The following PDSS2 variants were observed in gnomAD, a reference collection of about 807,000 sequenced individuals.
The protein encoded by PDSS2 is decaprenyl diphosphate synthase subunit 2, also known as all trans-polyprenyl-diphosphate synthase PDSS2.
PDSS2 carries 31 observed loss-of-function variants against 44.5 expected under a neutral mutation model. The observed-to-expected ratio is 0.70, with a 90% CI of 0.52 to 0.94. The LOEUF (loss-of-function observed/expected upper bound fraction) is 0.94. PDSS2 is among the 40% of genes least tolerant of loss of function. The pLI, the probability that PDSS2 is intolerant of heterozygous loss-of-function variation, is 0.00. For missense variants in PDSS2, 452 were observed against 482.2 expected, an observed-to-expected ratio of 0.94 and a Z score of 0.59; for synonymous variants, 157 against 180.3, an observed-to-expected ratio of 0.87 and a Z score of 1.03.
intron 2 of PDSS2, among the ~76,000 whole-genome samples, chr6:107,294,186 T>C (rs552306264): frequency 7.9e-5 from 12 of 152,138 alleles, no homozygotes; most frequent in Non-Finnish European, 1.3e-4. Flanking sequence ...GGCTGGGAAA[T>C]GTGAAGGTAA....
intron 2 of PDSS2, among the ~76,000 whole-genome samples, chr6:107,310,471 G>T (rs1477260589): frequency 6.6e-6 from 1 of 152,016 alleles, no homozygotes; most frequent in Non-Finnish European, 1.5e-5. Flanking sequence ...TACCTAGGAC[G>T]CTTTATCTGC....
At chr6:107,406,559 T>G (rs1225042813) in intron 1 of PDSS2, among the ~76,000 whole-genome samples, 1 of 152,366 alleles carries the variant, frequency 6.6e-6, no homozygotes, top group Middle Eastern at 3.4e-3. Flanking sequence ...ATAAAAAGTA[T>G]GTTTTGAATG....
At chr6:107,165,439 T>C (rs1288815919) in intron 7 of PDSS2, among the ~76,000 whole-genome samples, 1 of 152,214 alleles carries the variant, frequency 6.6e-6, no homozygotes, top group Non-Finnish European at 1.5e-5. Context: ...ACCCATTTCT[T>C]GGTTTTGTCA....
At chr6:107,184,218 A>G (rs893259546) in intron 7 of PDSS2, among the ~76,000 whole-genome samples, 1 of 152,202 alleles carries the variant, frequency 6.6e-6, no homozygotes, top group East Asian at 1.9e-4. Flanking sequence ...CAATGTGAAA[A>G]AGTCTCAGAG....
At chr6:107,379,417 C>T (rs1779389695) in intron 1 of PDSS2, among the ~76,000 whole-genome samples, 4 of 152,128 alleles carry the variant, frequency 2.6e-5, no homozygotes, top group Non-Finnish European at 5.9e-5. Context: ...TACAGACCTA[C>T]CTATTTGGCT....
chr6:107,289,321 C>T (rs1288914238), intron 2 of PDSS2, among the ~76,000 whole-genome samples: 39 of 149,246 alleles, frequency 2.6e-4, no homozygotes, highest in African/African-American at 9.4e-4. Flanking sequence ...TGTAGTGAGC[C>T]GATATCGTGC....
chr6:107,424,416 C>T (rs1780924679), intron 1 of PDSS2, among the ~76,000 whole-genome samples: 1 of 152,138 alleles, frequency 6.6e-6, no homozygotes. Context: ...ACCTTTTTTA[C>T]CTCAACATAT....
At chr6:107,211,829 TTAA>T (rs1773227588) in intron 5 of PDSS2, among the ~76,000 whole-genome samples, 1 of 151,880 alleles carries the variant, frequency 6.6e-6, no homozygotes, top group East Asian at 1.9e-4. Flanking sequence ...AATATGTTAT[TTAA>T]TAATATGTAA....
chr6:107,154,412 G>A lies in PDSS2; in HGVS notation c.*207C>T. ...GCAGCCTCAAGTGTGCTTCTGGCGT[G>A]ACAAGTGAAAACTGCTTGACCTTTT... On this transcript the variant is annotated 3_prime_UTR_variant, in exon 8 of 8. Coordinates refer to ENST00000369037, the MANE Select transcript of PDSS2 (RefSeq NM_020381.4). 1 of 545,914 alleles carries A rather than the reference G, an allele frequency of 1.8e-6. No individual in the cohort carries two copies. The highest frequency in any genetic ancestry group is 3.3e-6 in the Non-Finnish European group (1 of 304,894). 33.8% of individuals were successfully genotyped at this position (545,914 alleles called of 1,614,324 possible). A position where few individuals can be genotyped will look rare whatever the true frequency, so the allele number is the denominator to read the frequency against.
At chr6:107,207,758 G>A (rs1773035100) in intron 6 of PDSS2, among the ~76,000 whole-genome samples, 1 of 150,234 alleles carries the variant, frequency 6.7e-6, no homozygotes, top group African/African-American at 2.5e-5. Context: ...TACAGGCCCG[G>A]GCCACCATGC....
At chr6:107,447,977 C>T (rs1781742499) in intron 1 of PDSS2, among the ~76,000 whole-genome samples, 1 of 152,246 alleles carries the variant, frequency 6.6e-6, no homozygotes, top group Non-Finnish European at 1.5e-5. Flanking sequence ...GCTGCCAAGG[C>T]TTGGGGCTTG....
intron 1 of PDSS2, among the ~76,000 whole-genome samples, chr6:107,415,377 C>T (rs889847812): frequency 2.0e-5 from 3 of 151,924 alleles, no homozygotes; most frequent in African/African-American, 7.3e-5. Context: ...TACTACTTAC[C>T]AGCTACAGAT....
intron 1 of PDSS2, among the ~76,000 whole-genome samples, chr6:107,391,500 AC>A (rs1478189993): frequency 6.6e-6 from 1 of 152,056 alleles, no homozygotes; most frequent in African/African-American, 2.4e-5. Flanking sequence ...TGGGGGGATT[AC>A]AAAGCAGGTA....
intron 1 of PDSS2, among the ~76,000 whole-genome samples, chr6:107,354,632 T>G (rs1056658051): frequency 6.6e-6 from 1 of 152,188 alleles, no homozygotes; most frequent in Non-Finnish European, 1.5e-5. Context: ...CGACCCTGTA[T>G]CTGGAAGAAA....
chr6:107,417,617 GGGCACGGT>G (rs1562526304), intron 1 of PDSS2, among the ~76,000 whole-genome samples: 2 of 152,062 alleles, frequency 1.3e-5, no homozygotes, highest in Non-Finnish European at 2.9e-5. Flanking sequence ...AAAATTAGCT[GGGCACGGT>G]GGCGCAGCCT....
intron 1 of PDSS2, among the ~76,000 whole-genome samples, chr6:107,342,138 C>T (rs937472024): frequency 6.6e-6 from 1 of 151,720 alleles, no homozygotes; most frequent in African/African-American, 2.4e-5. Flanking sequence ...GTACTCAGTC[C>T]TCTTTGGATG....
At chr6:107,312,354 A>T (rs1442032503) in intron 2 of PDSS2, among the ~76,000 whole-genome samples, 1 of 152,192 alleles carries the variant, frequency 6.6e-6, no homozygotes, top group Non-Finnish European at 1.5e-5. Context: ...CCCTACCAGA[A>T]CCTATTCTTT....
chr6:107,177,264 G>A (rs905086735), intron 7 of PDSS2, among the ~76,000 whole-genome samples: 1 of 151,716 alleles, frequency 6.6e-6, no homozygotes, highest in Non-Finnish European at 1.5e-5. Context: ...CCGAGTAGCT[G>A]AGATTACAGG....
At chr6:107,377,833 C>G (rs1583011317) in intron 1 of PDSS2, among the ~76,000 whole-genome samples, 1 of 151,260 alleles carries the variant, frequency 6.6e-6, no homozygotes, top group African/African-American at 2.4e-5. Flanking sequence ...GGGAACTGAA[C>G]AATGAGAACA....
Sources: gnomAD v4.1 joint callset for allele counts (sites outside exome capture counted in the v4.1 genomes callset) on GRCh38, gnomAD v4.1.1 for gene constraint, MANE v1.5 for transcripts, NCBI Gene and HGNC (gene_info 2026-07-23, HGNC 2026-07-21) for gene names.